The following EPHB1 variants were observed in gnomAD, a reference collection of about 807,000 sequenced individuals.
The protein encoded by EPHB1 is ephrin type-B receptor 1.
In EPHB1, 30 loss-of-function variants were observed where a neutral mutation model predicts 94.4. The observed-to-expected ratio is 0.32, with a 90% CI of 0.24 to 0.43. EPHB1 has a LOEUF of 0.43. Among genes scored for constraint, EPHB1 ranks in the 20% least tolerant of loss-of-function variants. The probability of loss-of-function intolerance (pLI) is 1.00; values close to 1 mark genes in which losing one functional copy is unlikely to be tolerated. For synonymous variants in EPHB1, 522 were observed against 489.1 expected, an observed-to-expected ratio of 1.07 and a Z score of -0.89; for missense variants, 1,055 against 1,308.3, an observed-to-expected ratio of 0.81 and a Z score of 2.99.
chr3:135,061,364 G>A (rs1937499476), intron 3 of EPHB1, among the ~76,000 whole-genome samples: 1 of 37,630 alleles, frequency 2.7e-5, no homozygotes, highest in African/African-American at 6.1e-5. Context: ...ACTTAGGAAT[G>A]ACCACCCCCC....
intron 1 of EPHB1, among the ~76,000 whole-genome samples, chr3:134,822,371 C>T (rs1006777728): frequency 6.6e-6 from 1 of 152,196 alleles, no homozygotes; most frequent in Non-Finnish European, 1.5e-5. Context: ...CGTGATCAAC[C>T]ACCCTTCACT....
At chr3:135,058,867 C>A (rs1242475579) in intron 3 of EPHB1, among the ~76,000 whole-genome samples, 1 of 152,112 alleles carries the variant, frequency 6.6e-6, no homozygotes, top group Non-Finnish European at 1.5e-5. Flanking sequence ...TTACGGTGTA[C>A]TTTTTAAGTC....
chr3:135,110,867 G>C lies in EPHB1; in HGVS notation c.961+4264G>C, dbSNP rs76226283. On this transcript the variant is annotated intron_variant, in intron 4 of 15. Transcript: ENST00000398015. The stretch of plus-strand genomic sequence containing the variant: ...TTATCCCAGGCACGACAGGGCAGTG[G>C]TGGGGTGGGGGGGTGGTGTCCCTGT... Among the ~76,000 whole-genome samples, 65 of 152,276 alleles carry C rather than the reference G, an allele frequency of 4.3e-4. 1 individual carries two copies. The East Asian group carries it at 0.012, about 28-fold the overall frequency.
intron 5 of EPHB1, among the ~76,000 whole-genome samples, chr3:135,150,363 A>G (rs1306781800): frequency 6.6e-6 from 1 of 152,204 alleles, no homozygotes; most frequent in Non-Finnish European, 1.5e-5. Context: ...TTGTGGACCC[A>G]CTGGGATCCT....
intron 3 of EPHB1, among the ~76,000 whole-genome samples, chr3:135,020,763 A>G (rs975097619): frequency 6.6e-6 from 1 of 152,216 alleles, no homozygotes; most frequent in Non-Finnish European, 1.5e-5. Context: ...TTTTAAAACT[A>G]CTTTGTTAAA....
chr3:135,068,899 C>T (rs1156271754), intron 3 of EPHB1, among the ~76,000 whole-genome samples: 5 of 151,562 alleles, frequency 3.3e-5, no homozygotes, highest in Admixed American at 2.6e-4. Flanking sequence ...CTGCCCGCCC[C>T]GGCCTCCCAA....
chr3:135,007,872 A>T (rs1206441574), intron 3 of EPHB1, among the ~76,000 whole-genome samples: 2 of 152,224 alleles, frequency 1.3e-5, no homozygotes, highest in East Asian at 3.8e-4. Context: ...TGATCAGGTC[A>T]GGACGAAGGG....
intron 1 of EPHB1, among the ~76,000 whole-genome samples, chr3:134,813,029 C>T (rs1250513392): frequency 6.6e-6 from 1 of 152,116 alleles, no homozygotes; most frequent in Non-Finnish European, 1.5e-5. Flanking sequence ...TTGGGTTGCC[C>T]TGTTGTGCCG....
chr3:134,966,359 A>G (rs1481842176), intron 3 of EPHB1, among the ~76,000 whole-genome samples: 2 of 152,092 alleles, frequency 1.3e-5, no homozygotes, highest in African/African-American at 4.8e-5. Context: ...ATAAGCAACA[A>G]AGCTTCTTCA....
intron 1 of EPHB1, among the ~76,000 whole-genome samples, chr3:134,897,160 TATCTTCTTGGTCAGCACATC>T (rs2038102877): frequency 2.0e-5 from 3 of 152,358 alleles, no homozygotes; most frequent in African/African-American, 7.2e-5. Flanking sequence ...GAAGGGCAGT[TATCTTCTTGGTCAGCACATC>T]ATCTGTAGGG....
At chr3:135,079,209 C>T (rs956410962) in intron 3 of EPHB1, among the ~76,000 whole-genome samples, 2 of 152,116 alleles carry the variant, frequency 1.3e-5, no homozygotes, top group African/African-American at 4.8e-5. Context: ...ACAGTAATAA[C>T]CCAGAAGGCT....
At chr3:134,897,178 A>G (rs578156687) in intron 1 of EPHB1, among the ~76,000 whole-genome samples, 22 of 152,322 alleles carry the variant, frequency 1.4e-4, no homozygotes, top group African/African-American at 5.3e-4. Flanking sequence ...TGGTCAGCAC[A>G]TCATCTGTAG....
intron 1 of EPHB1, among the ~76,000 whole-genome samples, chr3:134,822,400 A>G (rs2036399222): frequency 6.6e-6 from 1 of 152,160 alleles, no homozygotes; most frequent in East Asian, 1.9e-4. Flanking sequence ...GCCATGAGTG[A>G]GCAGAGCTGG....
intron 3 of EPHB1, among the ~76,000 whole-genome samples, chr3:135,049,965 G>A (rs748129913): frequency 8.5e-5 from 13 of 152,126 alleles, no homozygotes; most frequent in Non-Finnish European, 4.4e-5. Flanking sequence ...GTGGTACCCC[G>A]GGACCCTGAG....
intron 5 of EPHB1, among the ~76,000 whole-genome samples, chr3:135,140,297 T>C (rs374029443): frequency 6.6e-6 from 1 of 152,154 alleles, no homozygotes; most frequent in Non-Finnish European, 1.5e-5. Flanking sequence ...TCCTCCATGC[T>C]CCTGTGGCAA....
intron 1 of EPHB1, among the ~76,000 whole-genome samples, chr3:134,903,022 G>C (rs1383608022): frequency 3.3e-5 from 5 of 152,212 alleles, no homozygotes; most frequent in Non-Finnish European, 7.3e-5. Context: ...CCACCCTTCC[G>C]CAGGTTGCCC....
chr3:135,257,962 A>C (rs571553421), intron 15 of EPHB1, among the ~76,000 whole-genome samples: 1 of 152,156 alleles, frequency 6.6e-6, no homozygotes, highest in South Asian at 2.1e-4. Flanking sequence ...TTCGGGTGGG[A>C]GTGACCCGAT....
At chr3:135,173,035 C>CTTT (rs1325117108) in intron 9 of EPHB1, among the ~76,000 whole-genome samples, 2 of 136,816 alleles carry the variant, frequency 1.5e-5, no homozygotes, top group African/African-American at 5.4e-5. Context: ...GAAATAGTTT[C>CTTT]TTTTTTTTTT....
intron 1 of EPHB1, among the ~76,000 whole-genome samples, chr3:134,801,832 G>C (rs1020540879): frequency 6.6e-6 from 1 of 152,144 alleles, no homozygotes; most frequent in East Asian, 1.9e-4. Context: ...CTCCATCAAA[G>C]GTCCCTGATA....
Sources: allele counts gnomAD v4.1 joint callset (sites outside exome capture counted in the v4.1 genomes callset), GRCh38; gene constraint gnomAD v4.1.1; transcripts MANE v1.5; gene names NCBI Gene and HGNC (gene_info 2026-07-23, HGNC 2026-07-21).